AFDN: variants seen among roughly 807,000 people sequenced by gnomAD.
The protein encoded by AFDN is afadin.
AFDN carries 68 observed loss-of-function variants against 216.6 expected under a neutral mutation model. The observed-to-expected ratio is 0.31, with a 90% CI of 0.26 to 0.38. The LOEUF is 0.38. Ranked by LOEUF, AFDN falls within the 10% of genes least tolerant of loss-of-function variation. AFDN has a pLI of 1.00. For missense variants in AFDN, 2,136 were observed against 2,342.0 expected, an observed-to-expected ratio of 0.91 and a Z score of 1.82; for synonymous variants, 868 against 853.7, an observed-to-expected ratio of 1.02 and a Z score of -0.29.
chr6:167,890,673 A>G (rs148481090), intron 7 of AFDN, among the ~76,000 whole-genome samples, 189 bp from the exon 8 acceptor site: 4,668 of 152,122 alleles, frequency 0.031, 102 homozygotes, highest in African/African-American at 0.042. Context: ...TTTCAAACAC[A>G]CCAAGAGGCT....
intron 30 of AFDN, among the ~76,000 whole-genome samples, chr6:167,956,222 A>G (rs1343649701): frequency 6.6e-6 from 1 of 151,834 alleles, no homozygotes; most frequent in East Asian, 1.9e-4. Flanking sequence ...TCTCCTTAAT[A>G]AGGATAAGGG....
chr6:167,962,538 G>C lies in AFDN; in HGVS notation c.4939G>C (p.Glu1647Gln). ...GGAAGAGCGCCGGCGGCAGGAGGAGGAGCGAACAAAACGAGACGCTGAAGA... is the reference window on the plus strand; with the variant it reads ...GGAAGAGCGCCGGCGGCAGGAGGAGCAGCGAACAAAACGAGACGCTGAAGA... Reference protein sequence around the residue: ...QEEERRRQEEERTKRDAEEKR... With the variant: ...QEEERRRQEEQRTKRDAEEKR... Residue 1647 changes from glutamate (E) to glutamine (Q), a missense_variant, in exon 31 of 34, where the codon GAG becomes CAG. Physicochemically the swap from Glu to Gln is conservative, Grantham distance 29 (BLOSUM62 2). Around this residue, in one of 8 missense-constraint regions of AFDN, gnomAD observed 981 missense variants for 966.0 expected, o/e 1.02. Transcript: ENST00000683244. This position sits in a 1 kb window ranked among gnomAD's most constrained non-coding sequence, Gnocchi z 5.2. 2.5e-6 allele frequency: 4 copies of C among 1,613,986 alleles called. No individual in the cohort carries two copies. The highest frequency in any genetic ancestry group is 3.4e-6 in the Non-Finnish European group (4 of 1,179,886).
intron 13 of AFDN, among the ~76,000 whole-genome samples, chr6:167,908,640 C>T (rs763173407): frequency 6.6e-6 from 1 of 151,980 alleles, no homozygotes; most frequent in Non-Finnish European, 1.5e-5. Flanking sequence ...TTAATATATG[C>T]AAAATTAGTG....
chr6:167,966,924 A>G (rs1797626226), intron 32 of AFDN, among the ~76,000 whole-genome samples: 1 of 151,668 alleles, frequency 6.6e-6, no homozygotes, highest in African/African-American at 2.4e-5. Context: ...TGTTACTTGC[A>G]CTCTTAGCAC....
At chr6:167,874,775 T>C (rs1418132844) in intron 4 of AFDN, among the ~76,000 whole-genome samples, 2 of 151,906 alleles carry the variant, frequency 1.3e-5, no homozygotes, top group Admixed American at 6.6e-5. Context: ...GCCACCACGC[T>C]CGGCTAATTT....
intron 32 of AFDN, 43 bp from the exon 33 acceptor site, chr6:167,969,071 A>G: frequency 6.9e-7 from 1 of 1,445,630 alleles, no homozygotes; most frequent in Non-Finnish European, 9.7e-7. Flanking sequence ...AAGCTTAGAA[A>G]TAATCAGGTA....
chr6:167,901,105 A>G (rs1421410958), intron 11 of AFDN, among the ~76,000 whole-genome samples: 1 of 152,194 alleles, frequency 6.6e-6, no homozygotes, highest in Non-Finnish European at 1.5e-5. Context: ...CAACTTTTAC[A>G]TTACTTCCTT....
intron 15 of AFDN, 47 bp downstream of exon 15, chr6:167,911,536 A>G (rs938644620): frequency 1.5e-5 from 23 of 1,558,676 alleles, no homozygotes; most frequent in Non-Finnish European, 2.0e-5. Flanking sequence ...TTGTGGTTGT[A>G]ATTGCTAAGC....
rs1797935664 is a variant in AFDN, at chr6:167,970,274, A to G, written c.*339A>G. 7.0e-6 allele frequency: 2 copies of G among 286,106 alleles called. No homozygotes were observed. Among genetic ancestry groups the G allele is most frequent in the Non-Finnish European group, 1.3e-5 (2 of 154,448 alleles). The allele number at this position is 286,106 out of a possible 1,614,324, so 17.7% of individuals were successfully genotyped here. On this transcript the variant is annotated 3_prime_UTR_variant, in exon 34 of 34. Transcript: ENST00000683244. ...AGAGAATGGATGTGTCTTCTCTCCCATCTTCCCCTCATCATCGACCGAGGA... is the reference window on the plus strand; with the variant it reads ...AGAGAATGGATGTGTCTTCTCTCCCGTCTTCCCCTCATCATCGACCGAGGA...
At chr6:167,908,583 G>A (rs1169656008) in intron 13 of AFDN, among the ~76,000 whole-genome samples, 1 of 152,160 alleles carries the variant, frequency 6.6e-6, no homozygotes, top group African/African-American at 2.4e-5. Flanking sequence ...ATAAATATTT[G>A]AGTAAATGAA....
At chr6:167,897,642 CTTTTTTTTTTTT>C (rs57383020) in intron 10 of AFDN, among the ~76,000 whole-genome samples, 4 of 89,724 alleles carry the variant, frequency 4.5e-5, no homozygotes, top group Non-Finnish European at 5.9e-5. Flanking sequence ...GACTGTATGC[CTTTTTTTTTTTT>C]TTTTTTTTTT....
chr6:167,938,227 A>G (rs1321635410), intron 23 of AFDN, among the ~76,000 whole-genome samples: 1 of 152,220 alleles, frequency 6.6e-6, no homozygotes, highest in Non-Finnish European at 1.5e-5. Context: ...CTTGGTGTAG[A>G]GAGAACATCA....
chr6:167,931,200 A>G (rs977719170), intron 23 of AFDN, among the ~76,000 whole-genome samples: 1 of 152,212 alleles, frequency 6.6e-6, no homozygotes, highest in African/African-American at 2.4e-5. Flanking sequence ...AGTGGATGAA[A>G]GAGGGAAGTA....
rs142922806 is a variant in AFDN, at chr6:167,934,709, T to G, written c.3100-8420T>G. 1.1e-3 allele frequency among the ~76,000 whole-genome samples: 174 copies of G among 152,272 alleles called. 3 individuals are homozygous for G. Among genetic ancestry groups the G allele is most frequent in the African/African-American group, 4.1e-3 (170 of 41,544 alleles). On this transcript the variant is annotated intron_variant, in intron 23 of 33. Transcript: ENST00000683244. Reference sequence around the variant, plus strand: ...ATATCTTTCTTCCTCCTGCTCTTTTTTTTTTGGATTGTGTTTTAATGATGT... The same window carrying G: ...ATATCTTTCTTCCTCCTGCTCTTTTGTTTTTGGATTGTGTTTTAATGATGT...
At position 167,918,822 on chromosome 6, in the gene AFDN, G is replaced by T. The variant is rs1271978536; in HGVS notation, c.2797G>T (p.Asp933Tyr). Reference protein sequence around the residue: ...SDGREVQLEEDPDLQLPFLLP... With the variant: ...SDGREVQLEEYPDLQLPFLLP... The stretch of plus-strand genomic sequence containing the variant: ...TGGAAGGGAAGTGCAGTTGGAGGAG[G>T]ATCCTGATCTGCAGCTGCCGTTTCT... Residue 933 changes from aspartate (D) to tyrosine (Y), a missense_variant, in exon 21 of 34, where the codon GAT (aspartate) becomes TAT (tyrosine). Asp to Tyr is a radical substitution (Grantham distance 160). Transcript: ENST00000683244. 1 of 1,612,838 alleles carries T rather than the reference G, an allele frequency of 6.2e-7. No individual in the cohort carries two copies. Among genetic ancestry groups the T allele is most frequent in the South Asian group, 1.1e-5 (1 of 90,848 alleles).
At chr6:167,963,062 T>C (rs1349825053) in intron 31 of AFDN, 3 of 1,069,714 alleles carry the variant, frequency 2.8e-6, no homozygotes, top group Admixed American at 5.1e-5. Flanking sequence ...TTAGAAAACA[T>C]GATACAGGAA....
intron 8 of AFDN, among the ~76,000 whole-genome samples, chr6:167,891,408 G>T (rs71534984): frequency 0.084 from 6,009 of 71,900 alleles, 190 homozygotes; most frequent in African/African-American, 0.17. Flanking sequence ...TAAAGGGGTG[G>T]GTGTGTGTGT....
chr6:167,936,596 A>G (rs765508646), intron 23 of AFDN, among the ~76,000 whole-genome samples: 2 of 152,168 alleles, frequency 1.3e-5, no homozygotes, highest in African/African-American at 4.8e-5. Context: ...AGGCAGTACA[A>G]TTCTCATTTA....
intron 6 of AFDN, among the ~76,000 whole-genome samples, chr6:167,885,549 G>A (rs142329737): frequency 0.01 from 1,553 of 152,276 alleles, 29 homozygotes; most frequent in African/African-American, 0.036. Context: ...ACACTTATCA[G>A]TTAAGCTTGC....
Sources: gnomAD v4.1 joint callset for allele counts (sites outside exome capture counted in the v4.1 genomes callset) on GRCh38, gnomAD v4.1.1 for gene constraint, gnomAD v4.1.1 regional missense constraint, Gnocchi (gnomAD v3.1) non-coding constraint, MANE v1.5 for transcripts, NCBI Gene and HGNC (gene_info 2026-07-23, HGNC 2026-07-21) for gene names.